The following TMEM175 variants were observed in gnomAD, a reference collection of about 807,000 sequenced individuals.
TMEM175 encodes the protein transmembrane protein 175.
A neutral mutation model predicts 36.5 loss-of-function variants in TMEM175; 36 were observed. The observed-to-expected ratio is 0.99, with a 90% CI of 0.76 to 1.30. The LOEUF (loss-of-function observed/expected upper bound fraction) is 1.30, where lower values mean the gene tolerates loss of function less well. Ranked by LOEUF, TMEM175 falls within the 50% of genes most tolerant of loss-of-function variation. The probability of loss-of-function intolerance (pLI) is 0.00; values close to 1 mark genes in which losing one functional copy is unlikely to be tolerated. For missense variants in TMEM175, 705 were observed against 692.8 expected (o/e 1.02, Z -0.20); for synonymous variants, 339 against 313.4 (o/e 1.08, Z -0.86).
Position 958,362 on chromosome 4 carries a change from T to C in TMEM175, c.1381T>C (p.Leu461=). The stretch of plus-strand genomic sequence containing the variant: ...GATCGCCGTGCCCTGCGCCTTCCTG[T>C]TGCTGCGCCTGCTCGTGGGCCTGGC... ...MQIAVPCAFL[L]LRLLVGLALA... Residue 461 remains leucine, a synonymous_variant, in exon 11 of 11, where the codon TTG becomes CTG. Transcript: ENST00000264771. 6.2e-7 allele frequency: 1 copy of C among 1,603,432 alleles called. No homozygotes were observed.
At chr4:951,959 A>G in intron 6 of TMEM175, 1 of 592,814 alleles carries the variant, frequency 1.7e-6, no homozygotes, top group Non-Finnish European at 3.0e-6. Context: ...CCCGGCCCTG[A>G]GCCCACAGCC....
chr4:951,307 TGA>T, intron 5 of TMEM175, 49 bp downstream of exon 5: 1 of 1,597,918 alleles, frequency 6.3e-7, no homozygotes, highest in Non-Finnish European at 8.6e-7. Flanking sequence ...GTCTGTAATC[TGA>T]CCCTCAGGGA....
Position 955,452 on chromosome 4 carries a change from G to A in TMEM175, c.675G>A (p.Lys225=), listed in dbSNP as rs766341255. 9.9e-6 allele frequency: 16 copies of A among 1,614,058 alleles called. No individual in the cohort carries two copies. The highest frequency in any genetic ancestry group is 1.6e-4 in the Middle Eastern group (1 of 6,084). The change falls in exon 9 of 11, where the codon AAG becomes AAA. Residue 225 remains lysine, a synonymous_variant. Transcript: ENST00000264771. ...VTVILLPYVS[K]VTGWCRDRLL... ...TCATCCTCCTCCCCTATGTCAGCAA[G>A]GTCACCGGCTGGTGCAGAGACAGGC...
chr4:953,532 G>C (rs890974556), intron 8 of TMEM175, among the ~76,000 whole-genome samples, 178 bp downstream of exon 8: 1 of 152,230 alleles, frequency 6.6e-6, no homozygotes, highest in Non-Finnish European at 1.5e-5. Context: ...AGGGAGGCCT[G>C]CTCCACCTGA....
Position 947,814 on chromosome 4 carries a change from C to A in TMEM175, c.75C>A (p.Asp25Glu). Residue 25 changes from aspartate (D) to glutamate (E), a missense_variant, in exon 2 of 11, where the codon GAC becomes GAA. Physicochemically the swap from Asp to Glu is conservative, Grantham distance 45. Transcript: ENST00000264771. ...GCCCCCCAGGCAGGAGAGACGAGGA[C>A]GCTGGGGAGGGGATCCAGTGCTCCC... ...GDCPPGRRDEDAGEGIQCSQR... is the reference protein window; with the variant it reads ...GDCPPGRRDEEAGEGIQCSQR... 2 of 1,613,248 alleles carry A rather than the reference C, an allele frequency of 1.2e-6. No homozygotes were observed. Among genetic ancestry groups the A allele is most frequent in the African/African-American group, 1.3e-5 (1 of 75,066 alleles).
chr4:958,452 G>A lies in TMEM175; in HGVS notation c.1471G>A (p.Gly491Ser). The change falls in exon 11 of 11, where the codon GGC becomes AGC. Residue 491 changes from glycine (G) to serine (S), a missense_variant. Gly to Ser is a moderately conservative substitution (Grantham distance 56, BLOSUM62 0). Coordinates refer to ENST00000264771, the MANE Select transcript of TMEM175 (RefSeq NM_032326.4). ...RPEHPPPAPT[G>S]QDDPQSQLLP... is the part of the protein sequence containing the mutation. ...CGAACACCCCCCGCCAGCCCCCACGGGCCAGGACGACCCACAGTCCCAGCT... is the reference window on the plus strand; with the variant it reads ...CGAACACCCCCCGCCAGCCCCCACGAGCCAGGACGACCCACAGTCCCAGCT... 6.3e-7 allele frequency: 1 copy of A among 1,581,366 alleles called. No homozygotes were observed. The highest frequency in any genetic ancestry group is 1.1e-5 in the South Asian group (1 of 88,918).
intron 1 of TMEM175, among the ~76,000 whole-genome samples, chr4:941,376 CAA>C (rs567941043): frequency 0.2 from 21,090 of 104,622 alleles, 1,674 homozygotes; most frequent in East Asian, 0.45. Context: ...AACTCTGTCT[CAA>C]AAAAAAAAAA....
At position 955,846 on chromosome 4, in the gene TMEM175, C is replaced by T. The variant is rs371491397; in HGVS notation, c.798C>T (p.Asp266=). 7.0e-4 allele frequency: 1,130 copies of T among 1,614,100 alleles called. 1 individual carries two copies. The highest frequency in any genetic ancestry group is 1.6e-3 in the Admixed American group (96 of 60,022). The part of the protein sequence containing the change: ...LSKERVEAFS[D]GVYAIVATLL... ...AGGAGCGCGTGGAAGCCTTCAGCGA[C>T]GGAGTCTACGCCATCGTGGCCACGC... The change falls in exon 10 of 11, where the codon GAC becomes GAT. Residue 266 remains aspartate, a synonymous_variant. Transcript: ENST00000264771.
intron 1 of TMEM175, among the ~76,000 whole-genome samples, chr4:938,269 C>T (rs1461441343): frequency 6.6e-6 from 1 of 152,130 alleles, no homozygotes; most frequent in South Asian, 2.1e-4. Context: ...TTTAGGAGGC[C>T]GAGTCGGGTG....
chr4:957,780 G>A (rs373560759), intron 10 of TMEM175, 44 bp from the exon 11 acceptor site: 8 of 1,551,616 alleles, frequency 5.2e-6, no homozygotes, highest in African/African-American at 1.4e-5. Context: ...GGCCTGTGTG[G>A]CCACGGCAAG....
intron 8 of TMEM175, 75 bp from the exon 9 acceptor site, chr4:955,330 A>T (rs990880371): frequency 2.0e-5 from 24 of 1,215,908 alleles, no homozygotes; most frequent in Non-Finnish European, 2.7e-5. Flanking sequence ...CTGCTTTGGC[A>T]CACAGCTTTG....
At chr4:938,274 C>T (rs181670831) in intron 1 of TMEM175, among the ~76,000 whole-genome samples, 52 of 152,264 alleles carry the variant, frequency 3.4e-4, no homozygotes, top group African/African-American at 1.2e-3. Flanking sequence ...GAGGCCGAGT[C>T]GGGTGGGTCA....
In TMEM175 at chr4:957,947, G is replaced by GCTGTGGTTCGCCCACCA. The variant is rs1729949801; in HGVS notation, c.969_985dup (p.Ser329CysfsTer22). ...TCGGCTCCTTCGCCACAGTGGGACT[G>GCTGTGGTTCGCCCACCA]CTGTGGTTCGCCCACCACTCACTCT... On this transcript the variant is annotated frameshift_variant, in exon 11 of 11. Coordinates refer to ENST00000264771, the MANE Select transcript of TMEM175 (RefSeq NM_032326.4). LOFTEE classifies it low-confidence loss of function (END_TRUNC). 5.6e-6 allele frequency: 9 copies of GCTGTGGTTCGCCCACCA among 1,612,806 alleles called. No homozygotes were observed. The highest frequency in any genetic ancestry group is 7.6e-6 in the Non-Finnish European group (9 of 1,179,944).
At chr4:957,194 G>A (rs545235343) in intron 10 of TMEM175, among the ~76,000 whole-genome samples, 3 of 151,666 alleles carry the variant, frequency 2.0e-5, no homozygotes, top group African/African-American at 4.8e-5. Flanking sequence ...CGCCCTCTGC[G>A]TATTGTTCTG....
intron 9 of TMEM175, 74 bp downstream of exon 9, chr4:955,557 G>C: frequency 6.6e-7 from 1 of 1,526,110 alleles, no homozygotes; most frequent in Non-Finnish European, 9.0e-7. Flanking sequence ...TCCGCACTGA[G>C]GGCTGTCCGT....
chr4:957,564 G>C (rs1729855279), intron 10 of TMEM175, among the ~76,000 whole-genome samples: 2 of 152,264 alleles, frequency 1.3e-5, no homozygotes, highest in African/African-American at 4.8e-5. Flanking sequence ...GCAGCACTCT[G>C]GGCCAGCAGG....
rs151237961 is a variant in TMEM175 at position 945,365 on chromosome 4, C to T, written c.-31-2344C>T. Among the ~76,000 whole-genome samples, 5 of 152,250 alleles carry T rather than the reference C, an allele frequency of 3.3e-5. No homozygotes were observed. The East Asian group carries it at 9.7e-4, about 29-fold the overall frequency. The stretch of plus-strand genomic sequence containing the variant: ...AGCTTCTGTTTTCCCCACGTCTTTG[C>T]CGTCCTGTCGTCTCACTCCCCGCCG... On this transcript the variant is annotated intron_variant, in intron 1 of 10. Transcript: ENST00000264771.
At chr4:946,733 C>G (rs560634720) in intron 1 of TMEM175, among the ~76,000 whole-genome samples, 5 of 152,204 alleles carry the variant, frequency 3.3e-5, no homozygotes, top group Non-Finnish European at 7.4e-5. Flanking sequence ...TGCACCCAGC[C>G]CCGGCTCCCA....
chr4:956,635 G>C (rs747936141), intron 10 of TMEM175: 41 of 436,590 alleles, frequency 9.4e-5, no homozygotes, highest in Non-Finnish European at 1.3e-4. Flanking sequence ...ATAGAGATGA[G>C]GTTTCACCAA....
Sources: allele counts gnomAD v4.1 joint callset (sites outside exome capture counted in the v4.1 genomes callset), GRCh38; gene constraint gnomAD v4.1.1; transcripts MANE v1.5; gene names NCBI Gene and HGNC (gene_info 2026-07-23, HGNC 2026-07-21).